REELD1: variants seen among roughly 807,000 people sequenced by gnomAD.
The protein encoded by REELD1 is reelin domain-containing protein 1.
In REELD1, 12 loss-of-function variants were observed where a neutral mutation model predicts 6.3. The observed-to-expected ratio is 1.89, with a 90% confidence interval of 1.21 to 3.07. REELD1 has a LOEUF of 3.07. Among genes scored for constraint, REELD1 ranks in the 30% most tolerant of loss-of-function variants. The pLI, the probability that REELD1 is intolerant of heterozygous loss-of-function variation, is 0.00. For synonymous variants in REELD1, 57 were observed against 33.6 expected (o/e 1.70, Z -2.42); for missense variants, 163 against 86.8 (o/e 1.88, Z -3.49).
chr4:146,222,918 AAG>A (rs1365163157), intron 4 of REELD1, among the ~76,000 whole-genome samples: 2 of 152,162 alleles, frequency 1.3e-5, no homozygotes, highest in African/African-American at 4.8e-5. Context: ...AGAGCCAAGA[AAG>A]AGAGAAACAG....
At chr4:146,219,010 G>A (rs1016665064) in intron 3 of REELD1, among the ~76,000 whole-genome samples, 20 of 152,152 alleles carry the variant, frequency 1.3e-4, no homozygotes, top group Admixed American at 6.5e-4. Flanking sequence ...AATTAGCCAG[G>A]CATGGTGGCT....
At chr4:146,215,650 C>CCTT (rs1465971692) in intron 2 of REELD1, among the ~76,000 whole-genome samples, 1 of 78,522 alleles carries the variant, frequency 1.3e-5, no homozygotes, top group South Asian at 3.9e-4. Context: ...CAGGGGAGGG[C>CCTT]ATTTTTTTTT....
intron 4 of REELD1, among the ~76,000 whole-genome samples, chr4:146,223,127 G>T (rs533441891): frequency 1.3e-5 from 2 of 152,214 alleles, no homozygotes; most frequent in Admixed American, 6.5e-5. Flanking sequence ...TCAAAATGAG[G>T]TACTTGTTTT....
At chr4:146,228,560 G>T in intron 6 of REELD1, 38 bp downstream of exon 6, 1 of 674,626 alleles carries the variant, frequency 1.5e-6, no homozygotes, top group South Asian at 1.6e-5. Flanking sequence ...ACAGGTGATG[G>T]GACTAGGATG....
Position 146,223,626 on chromosome 4 carries a change from T to C in REELD1, c.432-819T>C, listed in dbSNP as rs994357883. ...TTGCTGCGTGCCACATAGCAAGTAG[T>C]GTAGAAGCTATGATCTCCATTTGAC... On this transcript the variant is annotated intron_variant, in intron 4 of 7. Coordinates refer to ENST00000623665, the MANE Select transcript of REELD1 (RefSeq NM_001354631.1). Among the ~76,000 whole-genome samples, 5 of 152,236 alleles carry C rather than the reference T, an allele frequency of 3.3e-5. 1 individual carries two copies. The South Asian group carries it at 1.0e-3, about 32-fold the overall frequency.
chr4:146,224,676 TA>T, intron 5 of REELD1, 68 bp downstream of exon 5: 2 of 677,780 alleles, frequency 3.0e-6, no homozygotes, highest in Non-Finnish European at 5.4e-6. Flanking sequence ...TATTTTCACT[TA>T]AAAGTTACTA....
chr4:146,224,583 G>A lies in REELD1; in HGVS notation c.570G>A (p.Leu190=). ...TGATGCCAAACCTTCACCAGAGGCT[G>A]GGCGATGTTGAAGGAGCTGCTCCAG... ...RLLMPNLHQR[L]GDVEGAAPAP... The change falls in exon 5 of 8, where the codon CTG becomes CTA. Residue 190 remains leucine, a synonymous_variant. Transcript: ENST00000623665. 2.8e-6 allele frequency: 2 copies of A among 702,214 alleles called. No homozygotes were observed. Among genetic ancestry groups the A allele is most frequent in the South Asian group, 1.5e-5 (1 of 67,544 alleles). 43.5% of individuals were successfully genotyped at this position (702,214 alleles called of 1,614,324 possible).
chr4:146,215,928 T>C (rs1730818409), intron 2 of REELD1, among the ~76,000 whole-genome samples: 1 of 152,092 alleles, frequency 6.6e-6, no homozygotes, highest in Non-Finnish European at 1.5e-5. Flanking sequence ...TTTTTTGTAT[T>C]TTAGTAAAGA....
At chr4:146,217,962 A>T (rs1730855411) in intron 3 of REELD1, among the ~76,000 whole-genome samples, 1 of 152,238 alleles carries the variant, frequency 6.6e-6, no homozygotes, top group Non-Finnish European at 1.5e-5. Context: ...GGGATGAAAA[A>T]ATCATTTCCT....
At chr4:146,229,301 T>C (rs913494923) in intron 7 of REELD1, among the ~76,000 whole-genome samples, 4 of 152,246 alleles carry the variant, frequency 2.6e-5, no homozygotes, top group Non-Finnish European at 5.9e-5. Flanking sequence ...AAATTGATGT[T>C]TTAGTGACTT....
At chr4:146,220,978 T>A (rs1452144505) in intron 3 of REELD1, among the ~76,000 whole-genome samples, 2 of 152,244 alleles carry the variant, frequency 1.3e-5, no homozygotes, top group Non-Finnish European at 2.9e-5. Context: ...TGCAAGTTTG[T>A]CAGTGGGGAA....
At position 146,228,535 on chromosome 4, in the gene REELD1, G is replaced by T. The variant is rs948408041; in HGVS notation, c.908+13G>T. Reference sequence around the variant, plus strand: ...GCACCCATCACAGGTAAGGGTGATGGGTGGGCCATTCAGGACAGGTGATGG... The same window carrying T: ...GCACCCATCACAGGTAAGGGTGATGTGTGGGCCATTCAGGACAGGTGATGG... On this transcript the variant is annotated intron_variant, in intron 6 of 7. Coordinates refer to ENST00000623665, the MANE Select transcript of REELD1 (RefSeq NM_001354631.1). 7.7e-5 allele frequency: 54 copies of T among 697,564 alleles called. No homozygotes were observed. In the Admixed American group the frequency reaches 1.1e-3, roughly 14 times the overall value. 43.2% of individuals were successfully genotyped at this position (697,564 alleles called of 1,614,324 possible).
intron 3 of REELD1, among the ~76,000 whole-genome samples, 153 bp downstream of exon 3, chr4:146,217,313 G>T (rs1730844984): frequency 6.6e-6 from 1 of 152,100 alleles, no homozygotes; most frequent in South Asian, 2.1e-4. Context: ...TCACTGTGTT[G>T]CCCTGGCTGG....
At position 146,230,484 on chromosome 4, in the gene REELD1, T is replaced by A. The variant is rs116375590; in HGVS notation, c.1552T>A (p.Ser518Thr). 4.5e-3 allele frequency: 1,795 copies of A among 398,702 alleles called. 4 individuals are homozygous for A. The highest frequency in any genetic ancestry group is 7.9e-3 in the Admixed American group (179 of 22,738). 24.7% of individuals were successfully genotyped at this position (398,702 alleles called of 1,614,324 possible). Residue 518 changes from serine to threonine, a missense_variant, in exon 8 of 8, where the codon TCT becomes ACT. Transcript: ENST00000623665. Reference sequence around the variant, plus strand: ...AGCAGAGTACAACTGGATCACTCCTTCTGTGGGTAGCAAGAAAACAGTCCT... The same window carrying A: ...AGCAGAGTACAACTGGATCACTCCTACTGTGGGTAGCAAGAAAACAGTCCT... Reference protein sequence around the residue: ...VQAEYNWITPSVGSKKTVL With the variant: ...VQAEYNWITPTVGSKKTVL
At chr4:146,224,658 C>T in intron 5 of REELD1, 50 bp downstream of exon 5, 1 of 693,320 alleles carries the variant, frequency 1.4e-6, no homozygotes, top group East Asian at 2.7e-5. Context: ...ATTATTTTTA[C>T]AGTTATCTAT....
At chr4:146,217,936 T>A (rs578247090) in intron 3 of REELD1, among the ~76,000 whole-genome samples, 1 of 152,382 alleles carries the variant, frequency 6.6e-6, no homozygotes, top group South Asian at 2.1e-4. Flanking sequence ...TGACATTTTT[T>A]AAATTAAAAT....
intron 3 of REELD1, among the ~76,000 whole-genome samples, chr4:146,219,377 A>G (rs1730881393): frequency 6.6e-6 from 1 of 152,198 alleles, no homozygotes; most frequent in East Asian, 1.9e-4. Context: ...TTGCAAGTAT[A>G]CTGTTTTCTT....
intron 7 of REELD1, 142 bp from the exon 8 acceptor site, chr4:146,229,763 A>G (rs2110927380): frequency 2.5e-6 from 1 of 396,018 alleles, no homozygotes; most frequent in Non-Finnish European, 4.4e-6. Flanking sequence ...TTTTACTTTG[A>G]GCTCCTTTAG....
chr4:146,219,501 G>T (rs777442612), intron 3 of REELD1, among the ~76,000 whole-genome samples: 4 of 152,180 alleles, frequency 2.6e-5, no homozygotes, highest in Admixed American at 6.5e-5. Context: ...TTGTTCAAAT[G>T]TTTATTAAGA....
Sources: allele counts gnomAD v4.1 joint callset (sites outside exome capture counted in the v4.1 genomes callset), GRCh38; gene constraint gnomAD v4.1.1; transcripts MANE v1.5; gene names NCBI Gene and HGNC (gene_info 2026-07-23, HGNC 2026-07-21).